The following APPBP2 variants were observed in gnomAD, a reference collection of about 807,000 sequenced individuals.
The protein encoded by APPBP2 is amyloid beta precursor protein binding protein 2, also known as amyloid protein-binding protein 2.
Under a neutral mutation model 76.0 loss-of-function variants are expected in APPBP2, and 15 were observed. That is an observed-to-expected ratio of 0.20 (90% CI 0.13 to 0.30). The LOEUF is 0.30. Among genes scored for constraint, APPBP2 ranks in the 10% least tolerant of loss-of-function variants. The pLI, the probability that APPBP2 is intolerant of heterozygous loss-of-function variation, is 1.00. For missense variants in APPBP2, 401 were observed against 687.2 expected (o/e 0.58, Z 4.66); for synonymous variants, 222 against 242.2 (o/e 0.92, Z 0.77).
At chr17:60,460,600 G>C in intron 9 of APPBP2, 63 bp downstream of exon 9, 1 of 1,539,080 alleles carries the variant, frequency 6.5e-7, no homozygotes, top group South Asian at 1.2e-5. Flanking sequence ...TCCCTAATGG[G>C]AAAAAACAAA....
chr17:60,467,641 T>C (rs1325696991), intron 4 of APPBP2, among the ~76,000 whole-genome samples: 1 of 152,090 alleles, frequency 6.6e-6, no homozygotes, highest in African/African-American at 2.4e-5. Flanking sequence ...ATAAATGCCA[T>C]AAAGATGATA....
At chr17:60,524,225 C>T (rs2091032093) in intron 1 of APPBP2, among the ~76,000 whole-genome samples, 1 of 152,192 alleles carries the variant, frequency 6.6e-6, no homozygotes. Context: ...ACGAATTCAA[C>T]TAGTAAATAC....
At chr17:60,457,015 G>A (rs1473291188) in intron 9 of APPBP2, among the ~76,000 whole-genome samples, 1 of 151,784 alleles carries the variant, frequency 6.6e-6, no homozygotes, top group Admixed American at 6.6e-5. Flanking sequence ...GTGAACGCCT[G>A]TAATCCCAGC....
chr17:60,477,918 T>C (rs569577949), intron 4 of APPBP2, among the ~76,000 whole-genome samples: 37 of 151,782 alleles, frequency 2.4e-4, no homozygotes, highest in South Asian at 1.0e-3. Context: ...AGGCAGAGGA[T>C]TGCTTGAGCC....
At chr17:60,466,267 T>C in intron 5 of APPBP2, 24 bp downstream of exon 5, 1 of 1,600,686 alleles carries the variant, frequency 6.2e-7, no homozygotes, top group Non-Finnish European at 8.5e-7. Context: ...TTGGTCACAG[T>C]GAAATGTACC....
At chr17:60,493,883 C>T (rs902795735) in intron 3 of APPBP2, among the ~76,000 whole-genome samples, 1 of 152,176 alleles carries the variant, frequency 6.6e-6, no homozygotes, top group African/African-American at 2.4e-5. Flanking sequence ...GTGATCCACC[C>T]ACCTCAGTAA....
chr17:60,524,156 T>C (rs1321661511), intron 1 of APPBP2, among the ~76,000 whole-genome samples: 1 of 152,238 alleles, frequency 6.6e-6, no homozygotes, highest in Admixed American at 6.5e-5. Context: ...ACTAATAATC[T>C]TCAAATGAAA....
At chr17:60,481,960 G>A (rs553045197) in intron 3 of APPBP2, among the ~76,000 whole-genome samples, 2 of 152,260 alleles carry the variant, frequency 1.3e-5, no homozygotes, top group East Asian at 1.9e-4. Flanking sequence ...TCGGCTCACC[G>A]CAACCTCCGC....
At chr17:60,466,976 C>T (rs2090515933) in intron 4 of APPBP2, among the ~76,000 whole-genome samples, 1 of 151,978 alleles carries the variant, frequency 6.6e-6, no homozygotes, top group African/African-American at 2.4e-5. Context: ...AATCTTTATC[C>T]TCTATAGTAG....
chr17:60,455,008 C>T (rs2090421905), intron 10 of APPBP2, among the ~76,000 whole-genome samples: 1 of 152,118 alleles, frequency 6.6e-6, no homozygotes, highest in South Asian at 2.1e-4. Flanking sequence ...CAAATTCTAT[C>T]TAAAGTCTTA....
intron 3 of APPBP2, among the ~76,000 whole-genome samples, chr17:60,486,786 C>A (rs1486495561): frequency 6.6e-6 from 1 of 152,164 alleles, no homozygotes; most frequent in Non-Finnish European, 1.5e-5. Flanking sequence ...TTCTTCCGAG[C>A]ATCGATGGTC....
chr17:60,500,162 C>A (rs1025288002), intron 2 of APPBP2, among the ~76,000 whole-genome samples: 1 of 152,080 alleles, frequency 6.6e-6, no homozygotes. Flanking sequence ...AGGCGCCTAC[C>A]ACCACGCCCA....
At chr17:60,481,556 T>C (rs547107153) in intron 3 of APPBP2, among the ~76,000 whole-genome samples, 1 of 152,252 alleles carries the variant, frequency 6.6e-6, no homozygotes, top group Non-Finnish European at 1.5e-5. Context: ...CTTAATTTTA[T>C]TTGGTTCTTA....
intron 1 of APPBP2, among the ~76,000 whole-genome samples, chr17:60,523,734 G>A (rs2091028446): frequency 6.6e-6 from 1 of 151,928 alleles, no homozygotes; most frequent in African/African-American, 2.4e-5. Flanking sequence ...ATAGAGTCCT[G>A]GGACTGACTT....
intron 2 of APPBP2, chr17:60,496,412 C>T (rs1039247895): frequency 6.6e-6 from 1 of 152,100 alleles, no homozygotes; most frequent in Non-Finnish European, 1.5e-5. Context: ...AAAACACTTA[C>T]CAAAGGATTT....
At chr17:60,491,401 ATT>A (rs2090728000) in intron 3 of APPBP2, among the ~76,000 whole-genome samples, 1 of 152,062 alleles carries the variant, frequency 6.6e-6, no homozygotes, top group Non-Finnish European at 1.5e-5. Context: ...TGTTAAAAGC[ATT>A]GTCTCATTTA....
chr17:60,509,108 G>A (rs1487339344), intron 1 of APPBP2, among the ~76,000 whole-genome samples: 1 of 152,138 alleles, frequency 6.6e-6, no homozygotes, highest in East Asian at 1.9e-4. Flanking sequence ...GAGTCCAGGA[G>A]TGGTGGCTCA....
At chr17:60,506,822 G>A (rs945386776) in intron 1 of APPBP2, among the ~76,000 whole-genome samples, 6 of 152,194 alleles carry the variant, frequency 3.9e-5, no homozygotes, top group Middle Eastern at 3.2e-3. Context: ...CAGATCACGA[G>A]GTCAAGAGAT....
At chr17:60,521,419 A>G (rs2143508612) in intron 1 of APPBP2, among the ~76,000 whole-genome samples, 1 of 152,312 alleles carries the variant, frequency 6.6e-6, no homozygotes, top group African/African-American at 2.4e-5. Context: ...TCACTGACTT[A>G]CCAGAGCAAC....
Sources: gnomAD v4.1 joint callset for allele counts (sites outside exome capture counted in the v4.1 genomes callset) on GRCh38, gnomAD v4.1.1 for gene constraint, MANE v1.5 for transcripts, NCBI Gene and HGNC (gene_info 2026-07-23, HGNC 2026-07-21) for gene names.